Variants in ZNF395 observed in about 807,000 individuals in gnomAD.
ZNF395 encodes zinc finger protein 395, also known as HD gene regulatory region-binding protein 2.
Under a neutral mutation model 57.7 loss-of-function variants are expected in ZNF395, and 20 were observed. The ratio of observed to expected loss-of-function variants is 0.35; its 90% confidence interval spans 0.24 to 0.50. The LOEUF is 0.50. Among genes scored for constraint, ZNF395 ranks in the 20% least tolerant of loss-of-function variants. ZNF395 has a pLI of 0.97. For synonymous variants in ZNF395, 295 were observed against 275.9 expected, an observed-to-expected ratio of 1.07 and a Z score of -0.69; for missense variants, 606 against 671.2, an observed-to-expected ratio of 0.90 and a Z score of 1.07.
rs186447284 is a variant in ZNF395 at position 28,359,978 on chromosome 8, C to T, written c.241-154G>A. Reference sequence around the variant, plus strand: ...TTATTCAAGCAGATGTTCCCAGGTACTCGCTTCCCACCTGAGCACCCACAC... The same window carrying T: ...TTATTCAAGCAGATGTTCCCAGGTATTCGCTTCCCACCTGAGCACCCACAC... On this transcript the variant is annotated intron_variant, in intron 2 of 9. Coordinates refer to ENST00000344423, the MANE Select transcript of ZNF395 (RefSeq NM_018660.3). The surrounding 1 kb of genome is among the most constrained non-coding windows in gnomAD (Gnocchi z 4.7). Among the ~76,000 whole-genome samples the T allele has an allele frequency of 1.3e-5, 2 of 152,292 alleles. No homozygotes were observed. The highest frequency in any genetic ancestry group is 1.9e-4 in the East Asian group (1 of 5,184).
At chr8:28,358,158 T>TTC (rs1563338104) in intron 3 of ZNF395, among the ~76,000 whole-genome samples, 1 of 144,672 alleles carries the variant, frequency 6.9e-6, no homozygotes, top group Admixed American at 6.9e-5. Flanking sequence ...TTTCTTTTTT[T>TTC]TTTTTTTTTT....
rs1801776024 is a variant in ZNF395, at chr8:28,356,161, A to C, written c.583+509T>G. Among the ~76,000 whole-genome samples, 1 of 152,186 alleles carries C rather than the reference A, an allele frequency of 6.6e-6. No individual in the cohort carries two copies. Among genetic ancestry groups the C allele is most frequent in the Admixed American group, 6.5e-5 (1 of 15,280 alleles). ...TTTTAATAAATTTGCCTTGAAGTTGAATCACTGGTTTTTATTAAGCAATTA... is the reference window on the plus strand; with the variant it reads ...TTTTAATAAATTTGCCTTGAAGTTGCATCACTGGTTTTTATTAAGCAATTA... On this transcript the variant is annotated intron_variant, in intron 4 of 9. Coordinates refer to ENST00000344423, the MANE Select transcript of ZNF395 (RefSeq NM_018660.3). The surrounding 1 kb of genome is among the most constrained non-coding windows in gnomAD (Gnocchi z 4.0).
chr8:28,356,404 CT>C lies in ZNF395; in HGVS notation c.583+265del, dbSNP rs1327532139. On this transcript the variant is annotated intron_variant, in intron 4 of 9. Coordinates refer to ENST00000344423, the MANE Select transcript of ZNF395 (RefSeq NM_018660.3). The surrounding 1 kb of genome is among the most constrained non-coding windows in gnomAD (Gnocchi z 4.0). Reference sequence around the variant, plus strand: ...GGGCTCAGCCACTCCCATTGAAGAACTTACTCCACTGGCCACTGCAGCTCAG... The same window carrying C: ...GGGCTCAGCCACTCCCATTGAAGAACTACTCCACTGGCCACTGCAGCTCAG... Among the ~76,000 whole-genome samples, 1 of 152,226 alleles carries C rather than the reference CT, an allele frequency of 6.6e-6. No individual in the cohort carries two copies. The highest frequency in any genetic ancestry group is 1.5e-5 in the Non-Finnish European group (1 of 68,044).
intron 1 of ZNF395, among the ~76,000 whole-genome samples, chr8:28,366,257 T>C (rs1440552863): frequency 6.6e-6 from 1 of 152,212 alleles, no homozygotes; most frequent in Non-Finnish European, 1.5e-5. Context: ...GCTCTCTGTA[T>C]ATTTTATTAT....
chr8:28,363,846 A>C (rs748888480), intron 1 of ZNF395, among the ~76,000 whole-genome samples: 3 of 151,900 alleles, frequency 2.0e-5, no homozygotes, highest in Non-Finnish European at 2.9e-5. Flanking sequence ...TCTACTGCCT[A>C]TTTTGTTTGT....
In ZNF395 at chr8:28,348,352, G is replaced by A. The variant is rs992445230; in HGVS notation, c.*367C>T. The A allele has an allele frequency of 3.2e-5, 5 of 157,366 alleles. No individual in the cohort carries two copies. Among genetic ancestry groups the A allele is most frequent in the Non-Finnish European group, 5.2e-5 (4 of 77,402 alleles). The allele number at this position is 157,366 out of a possible 1,614,324, so 9.7% of individuals were successfully genotyped here. ...GAGTTTAGAAAGCAAAGAATTCACCGACTCAGCAGGAAGCAGAACGAGCTG... is the reference window on the plus strand; with the variant it reads ...GAGTTTAGAAAGCAAAGAATTCACCAACTCAGCAGGAAGCAGAACGAGCTG... On this transcript the variant is annotated 3_prime_UTR_variant, in exon 10 of 10. Transcript: ENST00000344423.
At chr8:28,366,757 C>T (rs925507862) in intron 1 of ZNF395, among the ~76,000 whole-genome samples, 2 of 151,588 alleles carry the variant, frequency 1.3e-5, no homozygotes, top group African/African-American at 4.9e-5. Context: ...CCAACTGCTA[C>T]CTGGTGGCTG....
chr8:28,351,209 A>AT (rs1345314409), intron 7 of ZNF395, among the ~76,000 whole-genome samples: 13 of 152,194 alleles, frequency 8.5e-5, no homozygotes, highest in South Asian at 2.1e-4. Context: ...ATCCTCTCTT[A>AT]TAAGCAGAGG....
intron 1 of ZNF395, among the ~76,000 whole-genome samples, chr8:28,383,033 C>T (rs979399235): frequency 6.6e-6 from 1 of 152,174 alleles, no homozygotes; most frequent in Non-Finnish European, 1.5e-5. Flanking sequence ...AGTACAGACA[C>T]TGCTTTACAA....
At chr8:28,355,971 A>T (rs1278925512) in intron 4 of ZNF395, among the ~76,000 whole-genome samples, 1 of 125,228 alleles carries the variant, frequency 8.0e-6, no homozygotes, top group Non-Finnish European at 1.5e-5. Flanking sequence ...TCCACCAATG[A>T]AGAAGTTCTT....
intron 1 of ZNF395, among the ~76,000 whole-genome samples, chr8:28,364,630 G>A (rs1801888248): frequency 6.6e-6 from 1 of 150,468 alleles, no homozygotes; most frequent in Non-Finnish European, 1.5e-5. Flanking sequence ...GTCCAGCCTG[G>A]GGGATAGAGT....
chr8:28,356,896 T>G lies in ZNF395; in HGVS notation c.474-117A>C. On this transcript the variant is annotated intron_variant, in intron 3 of 9. Transcript: ENST00000344423. This position sits in a 1 kb window ranked among gnomAD's most constrained non-coding sequence, Gnocchi z 4.0. The stretch of plus-strand genomic sequence containing the variant: ...ACACAATCATCTTACACTTCTGGAC[T>G]GTCCCCTCCAAGTGCCCCCAACTCC... 1.3e-6 allele frequency: 1 copy of G among 775,278 alleles called. No homozygotes were observed. Among genetic ancestry groups the G allele is most frequent in the Non-Finnish European group, 2.1e-6 (1 of 479,656 alleles). 48.0% of individuals were successfully genotyped at this position (775,278 alleles called of 1,614,324 possible). A position where few individuals can be genotyped will look rare whatever the true frequency, so the allele number is the denominator to read the frequency against.
At chr8:28,357,345 C>T (rs1369641379) in intron 3 of ZNF395, among the ~76,000 whole-genome samples, 1 of 152,066 alleles carries the variant, frequency 6.6e-6, no homozygotes, top group Non-Finnish European at 1.5e-5. Context: ...ACTACCCAAG[C>T]CAATGTGCAA....
chr8:28,362,405 C>T (rs983895118), intron 1 of ZNF395, among the ~76,000 whole-genome samples: 1 of 152,202 alleles, frequency 6.6e-6, no homozygotes, highest in Non-Finnish European at 1.5e-5. Context: ...CCCTACTATT[C>T]GCTCATTTGC....
intron 4 of ZNF395, 135 bp from the exon 5 acceptor site, chr8:28,353,543 C>T (rs1801745040): frequency 1.5e-5 from 10 of 656,820 alleles, no homozygotes; most frequent in South Asian, 1.3e-4. Flanking sequence ...GCTCTACCCT[C>T]GCAGACATTT....
chr8:28,364,653 CAAA>C (rs1221074238), intron 1 of ZNF395, among the ~76,000 whole-genome samples: 1 of 44,120 alleles, frequency 2.3e-5, no homozygotes, highest in Non-Finnish European at 5.0e-5. Context: ...GACTCCGTCT[CAAA>C]AAAAAAAAAA....
intron 1 of ZNF395, among the ~76,000 whole-genome samples, chr8:28,367,588 T>A (rs543293423): frequency 6.0e-4 from 92 of 152,196 alleles, no homozygotes; most frequent in African/African-American, 2.1e-3. Context: ...CAGGAAAAAA[T>A]ACACTTCCCC....
intron 1 of ZNF395, among the ~76,000 whole-genome samples, chr8:28,373,012 G>A (rs999146409): frequency 2.0e-5 from 3 of 152,184 alleles, no homozygotes; most frequent in African/African-American, 7.2e-5. Context: ...AACATCAGCT[G>A]GAGACCAAAG....
intron 1 of ZNF395, chr8:28,375,123 ATG>A (rs1441287457): frequency 6.6e-6 from 1 of 152,426 alleles, no homozygotes; most frequent in African/African-American, 2.4e-5. Context: ...CAGGTAGCTC[ATG>A]CCTGTAATCC....
Sources: gnomAD v4.1 joint callset for allele counts (sites outside exome capture counted in the v4.1 genomes callset) on GRCh38, gnomAD v4.1.1 for gene constraint, Gnocchi (gnomAD v3.1) non-coding constraint, MANE v1.5 for transcripts, NCBI Gene and HGNC (gene_info 2026-07-23, HGNC 2026-07-21) for gene names.